TOGARAM2: variants seen among roughly 807,000 people sequenced by gnomAD.
The protein encoded by TOGARAM2 is TOG array regulator of axonemal microtubules protein 2.
In TOGARAM2, 85 loss-of-function variants were observed where a neutral mutation model predicts 93.3. The ratio of observed to expected loss-of-function variants is 0.91; its 90% CI spans 0.76 to 1.09. The LOEUF (loss-of-function observed/expected upper bound fraction) is 1.09. TOGARAM2 is among the 50% of genes least tolerant of loss of function. TOGARAM2 has a pLI of 0.00. For missense variants in TOGARAM2, 1,277 were observed against 1,334.5 expected (o/e 0.96, Z 0.67); for synonymous variants, 593 against 552.8 (o/e 1.07, Z -1.02).
chr2:28,999,566 T>TCCCA, intron 4 of TOGARAM2, 98 bp downstream of exon 4: 3 of 1,370,790 alleles, frequency 2.2e-6, no homozygotes, highest in Non-Finnish European at 2.9e-6. Context: ...CCAGGTGGCA[T>TCCCA]GCTGGGATGC....
intron 2 of TOGARAM2, among the ~76,000 whole-genome samples, chr2:28,995,068 A>T (rs1672927105): frequency 6.6e-6 from 1 of 152,134 alleles, no homozygotes; most frequent in African/African-American, 2.4e-5. Flanking sequence ...TGGCCTAAGG[A>T]GGTGCTTGGT....
intron 1 of TOGARAM2, among the ~76,000 whole-genome samples, chr2:28,967,057 C>A (rs1194862827): frequency 6.6e-6 from 1 of 152,214 alleles, no homozygotes; most frequent in Non-Finnish European, 1.5e-5. Flanking sequence ...AGGAAAGCGG[C>A]AGCTTTTACA....
At chr2:28,990,848 C>A (rs115921462) in intron 1 of TOGARAM2, among the ~76,000 whole-genome samples, 3,115 of 152,062 alleles carry the variant, frequency 0.02, 107 homozygotes, top group African/African-American at 0.072. Context: ...GTTTGAGCCT[C>A]TTATTCTATA....
intron 1 of TOGARAM2, among the ~76,000 whole-genome samples, chr2:28,992,201 T>G (rs964840973): frequency 1.8e-4 from 28 of 152,240 alleles, no homozygotes; most frequent in African/African-American, 6.3e-4. Flanking sequence ...TATGGATCAT[T>G]CAGTTCCTAC....
rs966220590 is a variant in TOGARAM2, at chr2:29,002,693, G to T, written c.585G>T (p.Leu195=). ...CCAGCGGAGTCAAAGAGAAGGGCCT[G>T]GACCTACCGGGGAGCATTCCGGGTC... ...PEASGVKEKG[L]DLPGSIPGPH... is the part of the protein sequence containing the mutation. Residue 195 remains leucine (L), a synonymous_variant, in exon 5 of 20, where the codon CTG becomes CTT. Transcript: ENST00000379558. 7 of 1,613,900 alleles carry T rather than the reference G, an allele frequency of 4.3e-6. No homozygotes were observed. The African/African-American group carries it at 9.3e-5, about 22-fold the overall frequency.
intron 2 of TOGARAM2, 32 bp from the exon 3 acceptor site, chr2:28,998,111 C>T: frequency 1.3e-6 from 2 of 1,485,600 alleles, no homozygotes; most frequent in Non-Finnish European, 9.2e-7. Flanking sequence ...GGAGGACTCT[C>T]AGGTGCTGCT....
At position 29,002,457 on chromosome 2, in the gene TOGARAM2, C is replaced by T; in HGVS notation, c.428-79C>T. On this transcript the variant is annotated intron_variant, in intron 4 of 19. Transcript: ENST00000379558. Reference sequence around the variant, plus strand: ...CCAGTCCTTCCCAGGGCAGAAGGCCCCGTTGCTGGGGTCTGAATCCACCTT... The same window carrying T: ...CCAGTCCTTCCCAGGGCAGAAGGCCTCGTTGCTGGGGTCTGAATCCACCTT... 3.8e-6 allele frequency: 5 copies of T among 1,304,712 alleles called. No individual in the cohort carries two copies. In the South Asian group the frequency reaches 6.9e-5, roughly 18 times the overall value. The allele number at this position is 1,304,712 out of a possible 1,614,324, so 80.8% of individuals were successfully genotyped here.
chr2:29,035,345 C>A, intron 16 of TOGARAM2, 119 bp from the exon 17 acceptor site: 1 of 927,272 alleles, frequency 1.1e-6, no homozygotes, highest in Middle Eastern at 3.8e-4. Flanking sequence ...GTGGACTAAC[C>A]TGCAGGTGAC....
chr2:28,988,643 A>C (rs1672573658), intron 1 of TOGARAM2, among the ~76,000 whole-genome samples: 1 of 152,160 alleles, frequency 6.6e-6, no homozygotes, highest in South Asian at 2.1e-4. Flanking sequence ...GAGAACAAAC[A>C]AGCAAACAAC....
At chr2:29,041,836 A>C (rs1172572402) in intron 18 of TOGARAM2, among the ~76,000 whole-genome samples, 1 of 152,234 alleles carries the variant, frequency 6.6e-6, no homozygotes, top group Non-Finnish European at 1.5e-5. Context: ...TAGCCTCTTC[A>C]TTGGTCTCTC....
chr2:29,039,898 C>G (rs565099763), intron 18 of TOGARAM2, among the ~76,000 whole-genome samples: 2 of 152,316 alleles, frequency 1.3e-5, no homozygotes, highest in African/African-American at 4.8e-5. Context: ...ACAGCTCATC[C>G]CCTCCCGATC....
At chr2:28,982,003 G>C (rs560551583) in intron 1 of TOGARAM2, among the ~76,000 whole-genome samples, 2 of 152,170 alleles carry the variant, frequency 1.3e-5, no homozygotes, top group African/African-American at 4.8e-5. Flanking sequence ...CCTTGGAGGG[G>C]CTCTGCTCTG....
At chr2:29,045,066 A>G (rs964305260) in intron 18 of TOGARAM2, among the ~76,000 whole-genome samples, 8 of 152,152 alleles carry the variant, frequency 5.3e-5, no homozygotes, top group Non-Finnish European at 1.0e-4. Context: ...TGAGACGCAC[A>G]GGCAATATGA....
chr2:29,033,392 A>G, intron 15 of TOGARAM2, 77 bp from the exon 16 acceptor site: 2 of 1,310,652 alleles, frequency 1.5e-6, no homozygotes, highest in Non-Finnish European at 2.2e-6. Flanking sequence ...TGCCATTGTT[A>G]TGTCTCCACT....
At chr2:28,976,662 T>A (rs1417711053), upstream of TOGARAM2, among the ~76,000 whole-genome samples, 1 of 152,200 alleles carries the variant, frequency 6.6e-6, no homozygotes, top group Non-Finnish European at 1.5e-5. Context: ...TTAGTCCCCA[T>A]CCTGTCATTA....
chr2:29,032,811 CT>C, intron 14 of TOGARAM2, 122 bp from the exon 15 acceptor site: 1 of 738,480 alleles, frequency 1.4e-6, no homozygotes, highest in South Asian at 1.9e-5. Context: ...GTAGGGATTG[CT>C]TTTGTAATTA....
intron 16 of TOGARAM2, among the ~76,000 whole-genome samples, chr2:29,034,332 G>A (rs1010279260): frequency 6.6e-6 from 1 of 152,230 alleles, no homozygotes; most frequent in East Asian, 1.9e-4. Context: ...CAGCTCACCT[G>A]TCACTTTCTC....
At chr2:29,038,333 G>A (rs929176373) in intron 18 of TOGARAM2, among the ~76,000 whole-genome samples, 1 of 152,126 alleles carries the variant, frequency 6.6e-6, no homozygotes, top group African/African-American at 2.4e-5. Context: ...GGGAAGGGTT[G>A]GCTCTCTTCC....
intron 18 of TOGARAM2, among the ~76,000 whole-genome samples, chr2:29,037,668 G>A (rs1299234270): frequency 6.6e-6 from 1 of 152,098 alleles, no homozygotes; most frequent in Non-Finnish European, 1.5e-5. Context: ...TCCAGGAAAA[G>A]TTTCAGTTAC....
Sources: gnomAD v4.1 joint callset for allele counts (sites outside exome capture counted in the v4.1 genomes callset) on GRCh38, gnomAD v4.1.1 for gene constraint, MANE v1.5 for transcripts, NCBI Gene and HGNC (gene_info 2026-07-23, HGNC 2026-07-21) for gene names.